Variants in GABBR1 observed in about 807,000 individuals in gnomAD.
GABBR1 encodes the protein gamma-aminobutyric acid type B receptor subunit 1.
In GABBR1, 35 loss-of-function variants were observed where a neutral mutation model predicts 117.7. The observed-to-expected ratio is 0.30, with a 90% CI of 0.23 to 0.39. The LOEUF is 0.39. GABBR1 is among the 10% of genes least tolerant of loss of function. The pLI, the probability that GABBR1 is intolerant of heterozygous loss-of-function variation, is 1.00. For missense variants in GABBR1, 709 were observed against 1,241.8 expected (o/e 0.57, Z 6.45); for synonymous variants, 442 against 486.6 (o/e 0.91, Z 1.21).
intron 5 of GABBR1, chr6:29,628,092 G>T: frequency 1.6e-6 from 1 of 607,756 alleles, no homozygotes; most frequent in Non-Finnish European, 2.1e-6. Flanking sequence ...GCGGCGCGCG[G>T]CAGCGGGGGG....
Position 29,606,332 on chromosome 6 carries a change from C to T in GABBR1, c.2311+59G>A, listed in dbSNP as rs1562079125. Reference sequence around the variant, plus strand: ...ACCCCTCTCCCTCCAAGCCCTCTACCCCTGCCTTCCCTCCTGCCTTTGTGC... The same window carrying T: ...ACCCCTCTCCCTCCAAGCCCTCTACTCCTGCCTTCCCTCCTGCCTTTGTGC... On this transcript the variant is annotated intron_variant, in intron 19 of 22. Coordinates refer to ENST00000377034, the MANE Select transcript of GABBR1 (RefSeq NM_001470.4). This position sits in a 1 kb window ranked among gnomAD's most constrained non-coding sequence, Gnocchi z 4.5. 1.6e-6 allele frequency: 2 copies of T among 1,266,236 alleles called. No individual in the cohort carries two copies. Among genetic ancestry groups the T allele is most frequent in the African/African-American group, 2.9e-5 (2 of 68,070 alleles). 78.4% of individuals were successfully genotyped at this position (1,266,236 alleles called of 1,614,324 possible).
At position 29,622,390 on chromosome 6, in the gene GABBR1, G is replaced by T; in HGVS notation, c.964-185C>A. 1.7e-6 allele frequency: 1 copy of T among 593,908 alleles called. No individual in the cohort carries two copies. The highest frequency in any genetic ancestry group is 2.1e-5 in the South Asian group (1 of 48,092). The allele number at this position is 593,908 out of a possible 1,614,324, so 36.8% of individuals were successfully genotyped here. ...TCGGGAAGGCATCTGGTCTTAGGAT[G>T]TGGATTCCAAGTGGGAAGGTGAATG... is the stretch of plus-strand genomic sequence containing the variant. On this transcript the variant is annotated intron_variant, in intron 8 of 22. Transcript: ENST00000377034. The surrounding 1 kb of genome is among the most constrained non-coding windows in gnomAD (Gnocchi z 4.6).
chr6:29,627,385 G>A lies in GABBR1; in HGVS notation c.657+101C>T, dbSNP rs145939740. The A allele has an allele frequency of 2.4e-6, 3 of 1,241,570 alleles. No homozygotes were observed. The highest frequency in any genetic ancestry group is 3.4e-6 in the Non-Finnish European group (3 of 893,582). 76.9% of individuals were successfully genotyped at this position (1,241,570 alleles called of 1,614,324 possible). ...GTCACACAAGGGAGGGGTCTGCCTCGCAATCCCAGAGACGACTCAGACAGA... is the reference window on the plus strand; with the variant it reads ...GTCACACAAGGGAGGGGTCTGCCTCACAATCCCAGAGACGACTCAGACAGA... On this transcript the variant is annotated intron_variant, in intron 6 of 22. Transcript: ENST00000377034. This position sits in a 1 kb window ranked among gnomAD's most constrained non-coding sequence, Gnocchi z 4.4.
At position 29,623,842 on chromosome 6, in the gene GABBR1, G is replaced by A; in HGVS notation, c.792+48C>T. ...CAATCGCCATCGTCCCTTCAGTAGA[G>A]CTCAAAAGGGAATGACCCCATCTTC... On this transcript the variant is annotated intron_variant, in intron 7 of 22. Transcript: ENST00000377034. This position sits in a 1 kb window ranked among gnomAD's most constrained non-coding sequence, Gnocchi z 6.2. The A allele has an allele frequency of 6.3e-7, 1 of 1,590,666 alleles. No individual in the cohort carries two copies. Among genetic ancestry groups the A allele is most frequent in the Non-Finnish European group, 8.6e-7 (1 of 1,166,798 alleles).
In GABBR1 at chr6:29,627,436, C is replaced by G; in HGVS notation, c.657+50G>C. 1 of 1,512,924 alleles carries G rather than the reference C, an allele frequency of 6.6e-7. No homozygotes were observed. The highest frequency in any genetic ancestry group is 8.9e-7 in the Non-Finnish European group (1 of 1,119,108). The allele number at this position is 1,512,924 out of a possible 1,614,324, so 93.7% of individuals were successfully genotyped here. A position where few individuals can be genotyped will look rare whatever the true frequency, so the allele number is the denominator to read the frequency against. On this transcript the variant is annotated intron_variant, in intron 6 of 22. Coordinates refer to ENST00000377034, the MANE Select transcript of GABBR1 (RefSeq NM_001470.4). This position sits in a 1 kb window ranked among gnomAD's most constrained non-coding sequence, Gnocchi z 4.4. ...TGGGGGCGCGTGCAGCTGGCTGGCC[C>G]CCTGCCCCGCAAGCCCCCACCTCCC...
chr6:29,623,182 T>A lies in GABBR1; in HGVS notation c.963+123A>T. 2 of 843,468 alleles carry A rather than the reference T, an allele frequency of 2.4e-6. No homozygotes were observed. Among genetic ancestry groups the A allele is most frequent in the Non-Finnish European group, 3.7e-6 (2 of 540,506 alleles). 52.2% of individuals were successfully genotyped at this position (843,468 alleles called of 1,614,324 possible). ...CAGAAAGAACTGCACTTAATCCACA[T>A]GGAATGCGTTCTCTTTCAATGAAGA... On this transcript the variant is annotated intron_variant, in intron 8 of 22. Transcript: ENST00000377034. The surrounding 1 kb of genome is among the most constrained non-coding windows in gnomAD (Gnocchi z 6.2).
Position 29,603,614 on chromosome 6 carries a change from G to T in GABBR1, c.2815C>A (p.Pro939Thr), listed in dbSNP as rs1402423575. Residue 939 changes from proline (P) to threonine (T), a missense_variant, in exon 23 of 23, where the codon CCC (proline) becomes ACC (threonine). This residue lies in a region of GABBR1 where 69 missense variants were observed against 64.3 expected (regional missense o/e 1.07). Coordinates refer to ENST00000377034, the MANE Select transcript of GABBR1 (RefSeq NM_001470.4). Reference protein sequence around the residue: ...PTPPEPSGGLPRGPPEPPDRL... With the variant: ...PTPPEPSGGLTRGPPEPPDRL... ...TCGGGGGGCTCAGGGGGTCCCCTGG[G>T]CAGGCCCCCAGAGGGTTCTGGGGGT... is the stretch of plus-strand genomic sequence containing the variant. The T allele has an allele frequency of 1.3e-6, 2 of 1,570,680 alleles. No individual in the cohort carries two copies. The highest frequency in any genetic ancestry group is 2.4e-5 in the South Asian group (2 of 83,360).
rs1762111941 is a variant in GABBR1 at position 29,607,762 on chromosome 6, A to G, written c.1993-544T>C. 6.6e-6 allele frequency among the ~76,000 whole-genome samples: 1 copy of G among 152,152 alleles called. No individual in the cohort carries two copies. Among genetic ancestry groups the G allele is most frequent in the Admixed American group, 6.5e-5 (1 of 15,280 alleles). ...ATTTGTCCTTCAGTATTCAAATGCC[A>G]CCTCTTCAGTGAGGTCCACCCAATC... On this transcript the variant is annotated intron_variant, in intron 16 of 22. Coordinates refer to ENST00000377034, the MANE Select transcript of GABBR1 (RefSeq NM_001470.4). This position sits in a 1 kb window ranked among gnomAD's most constrained non-coding sequence, Gnocchi z 5.0.
rs1170523654 is a variant in GABBR1, at chr6:29,606,781, A to G, written c.2217+116T>C. ...AAGGAAAGGAAGAGCTTCCAATACGAGGAAGGCACTCTCTCCAAGTAGCTT... is the reference window on the plus strand; with the variant it reads ...AAGGAAAGGAAGAGCTTCCAATACGGGGAAGGCACTCTCTCCAAGTAGCTT... On this transcript the variant is annotated intron_variant, in intron 18 of 22. Transcript: ENST00000377034. This position sits in a 1 kb window ranked among gnomAD's most constrained non-coding sequence, Gnocchi z 4.5. The G allele has an allele frequency of 1.2e-6, 1 of 811,454 alleles. No individual in the cohort carries two copies. Among genetic ancestry groups the G allele is most frequent in the Non-Finnish European group, 2.0e-6 (1 of 501,640 alleles). 50.3% of individuals were successfully genotyped at this position (811,454 alleles called of 1,614,324 possible). A position where few individuals can be genotyped will look rare whatever the true frequency, so the allele number is the denominator to read the frequency against.
chr6:29,612,637 C>A, intron 12 of GABBR1, 23 bp from the exon 13 acceptor site: 1 of 1,608,932 alleles, frequency 6.2e-7, no homozygotes, highest in Non-Finnish European at 8.5e-7. Flanking sequence ...ACATGTGGAG[C>A]AAGGCAAAGG....
In GABBR1 at chr6:29,609,223, A is replaced by C. The variant is rs1277133558; in HGVS notation, c.1859+6T>G. On this transcript the variant is annotated splice_donor_region_variant and intron_variant, in intron 15 of 22. Coordinates refer to ENST00000377034, the MANE Select transcript of GABBR1 (RefSeq NM_001470.4). This position sits in a 1 kb window ranked among gnomAD's most constrained non-coding sequence, Gnocchi z 4.3. ...AGACAAGGAAAACGTCAGAAGAGAA[A>C]CTTACCGGACATGTGAGTTGTAGAT... The C allele has an allele frequency of 6.2e-7, 1 of 1,612,906 alleles. No homozygotes were observed. Among genetic ancestry groups the C allele is most frequent in the East Asian group, 2.2e-5 (1 of 44,882 alleles).
intron 12 of GABBR1, among the ~76,000 whole-genome samples, chr6:29,612,927 T>A (rs1762702985): frequency 6.6e-6 from 1 of 152,232 alleles, no homozygotes; most frequent in Admixed American, 6.5e-5. Context: ...TCTTTTCATT[T>A]TAAAAGGAAT....
In GABBR1 at chr6:29,613,291, G is replaced by A. The variant is rs35877630; in HGVS notation, c.1518C>T (p.Thr506=). 222 of 1,612,974 alleles carry A rather than the reference G, an allele frequency of 1.4e-4. No individual in the cohort carries two copies. In the African/African-American group the frequency reaches 2.3e-3, roughly 17 times the overall value. The change falls in exon 12 of 23, where the codon ACC becomes ACT. Residue 506 remains threonine (T), a synonymous_variant. Coordinates refer to ENST00000377034, the MANE Select transcript of GABBR1 (RefSeq NM_001470.4). This position sits in a 1 kb window ranked among gnomAD's most constrained non-coding sequence, Gnocchi z 4.1. The stretch of plus-strand genomic sequence containing the variant: ...AGTTCATTGCCCGGTAGATTTGGTC[G>A]GTAATGGTCTGGTTGTTGTAGTTGA... ...EDFNYNNQTI[T]DQIYRAMNSS... is the part of the protein sequence containing the mutation.
At chr6:29,619,742 A>G (rs1175162724) in intron 11 of GABBR1, among the ~76,000 whole-genome samples, 3 of 151,956 alleles carry the variant, frequency 2.0e-5, no homozygotes, top group Non-Finnish European at 4.4e-5. Flanking sequence ...GGGCACCAAC[A>G]AGTCTTTCTG....
chr6:29,630,481 C>T lies in GABBR1; in HGVS notation c.452G>A (p.Ser151Asn), dbSNP rs1764842549. 6.2e-7 allele frequency: 1 copy of T among 1,612,894 alleles called. No homozygotes were observed. The highest frequency in any genetic ancestry group is 2.2e-5 in the East Asian group (1 of 44,870). ...SRSICSQGQW[S>N]TPKPHCQVNR... ...ACCCTGGCAGTGGGGCTTGGGGGTG[C>T]TCCACTGGCCCTGACTACAGATGCT... Residue 151 changes from serine (S) to asparagine (N), a missense_variant, in exon 4 of 23, where the codon AGC (serine) becomes AAC (asparagine). Transcript: ENST00000377034. This position sits in a 1 kb window ranked among gnomAD's most constrained non-coding sequence, Gnocchi z 4.9.
chr6:29,606,219 C>T lies in GABBR1; in HGVS notation c.2311+172G>A. 1 of 622,004 alleles carries T rather than the reference C, an allele frequency of 1.6e-6. No homozygotes were observed. The highest frequency in any genetic ancestry group is 2.0e-5 in the South Asian group (1 of 50,602). 38.5% of individuals were successfully genotyped at this position (622,004 alleles called of 1,614,324 possible). The stretch of plus-strand genomic sequence containing the variant: ...AGCTCCTCATAGCAAAAGAGCAACT[C>T]TCCCCTATTCTCAGAAAAGATTAGT... On this transcript the variant is annotated intron_variant, in intron 19 of 22. Transcript: ENST00000377034. The surrounding 1 kb of genome is among the most constrained non-coding windows in gnomAD (Gnocchi z 4.5).
chr6:29,628,961 G>T, intron 5 of GABBR1, 126 bp downstream of exon 5: 1 of 1,059,054 alleles, frequency 9.4e-7, no homozygotes. Flanking sequence ...CCGCAAACTG[G>T]GGTGGGTTGG....
Position 29,632,714 on chromosome 6 carries a change from C to T in GABBR1, c.-1+136G>A. 1 of 1,374,106 alleles carries T rather than the reference C, an allele frequency of 7.3e-7. No homozygotes were observed. Among genetic ancestry groups the T allele is most frequent in the Non-Finnish European group, 9.5e-7 (1 of 1,052,072 alleles). The allele number at this position is 1,374,106 out of a possible 1,614,324, so 85.1% of individuals were successfully genotyped here. On this transcript the variant is annotated intron_variant, in intron 1 of 22. Transcript: ENST00000377034. This position sits in a 1 kb window ranked among gnomAD's most constrained non-coding sequence, Gnocchi z 5.8. ...CCCGGCATCGGCCGCCTCAGCGCTC[C>T]CCGATTCCATCCCCGCGGTTCCTCC... is the stretch of plus-strand genomic sequence containing the variant.
Position 29,622,375 on chromosome 6 carries a change from A to G in GABBR1, c.964-170T>C. ...CCTGAAGTGAGGAGTTCGGGAAGGC[A>G]TCTGGTCTTAGGATGTGGATTCCAA... On this transcript the variant is annotated intron_variant, in intron 8 of 22. Transcript: ENST00000377034. This position sits in a 1 kb window ranked among gnomAD's most constrained non-coding sequence, Gnocchi z 4.6. The G allele has an allele frequency of 1.6e-6, 1 of 614,586 alleles. No homozygotes were observed. Among genetic ancestry groups the G allele is most frequent in the Non-Finnish European group, 2.9e-6 (1 of 343,384 alleles). The allele number at this position is 614,586 out of a possible 1,614,324, so 38.1% of individuals were successfully genotyped here. A position where few individuals can be genotyped will look rare whatever the true frequency, so the allele number is the denominator to read the frequency against.
Sources: allele counts gnomAD v4.1 joint callset (sites outside exome capture counted in the v4.1 genomes callset), GRCh38; gene constraint gnomAD v4.1.1; regional missense constraint gnomAD v4.1.1; non-coding constraint Gnocchi (gnomAD v3.1); transcripts MANE v1.5; gene names NCBI Gene and HGNC (gene_info 2026-07-23, HGNC 2026-07-21).